GREB1: variants seen among roughly 807,000 people sequenced by gnomAD.
GREB1 encodes protein GREB1.
GREB1 carries 106 observed loss-of-function variants against 200.7 expected under a neutral mutation model. The observed-to-expected ratio is 0.53, with a 90% CI of 0.45 to 0.62. GREB1 has a LOEUF of 0.62. Among genes scored for constraint, GREB1 ranks in the 20% least tolerant of loss-of-function variants. The probability of loss-of-function intolerance (pLI) is 0.00; values close to 1 mark genes in which losing one functional copy is unlikely to be tolerated. For synonymous variants in GREB1, 1,132 were observed against 1,092.4 expected, an observed-to-expected ratio of 1.04 and a Z score of -0.72; for missense variants, 2,243 against 2,556.8, an observed-to-expected ratio of 0.88 and a Z score of 2.65.
chr2:11,592,175 ACTTTTTTTTTT>A, intron 10 of GREB1: 3 of 817,496 alleles, frequency 3.7e-6, no homozygotes, highest in African/African-American at 2.0e-5. Context: ...TTGGCTTCCT[ACTTTTTTTTTT>A]CTTTTTTTTT....
At chr2:11,521,580 C>G (rs749065924) in intron 1 of GREB1, among the ~76,000 whole-genome samples, 1 of 152,154 alleles carries the variant, frequency 6.6e-6, no homozygotes, top group Non-Finnish European at 1.5e-5. Flanking sequence ...GCTATAAACT[C>G]GGCTGTTTCA....
intron 18 of GREB1, 89 bp downstream of exon 18, chr2:11,611,116 C>T: frequency 1.5e-5 from 17 of 1,168,252 alleles, no homozygotes; most frequent in Non-Finnish European, 1.9e-5. Context: ...GTCACGAACC[C>T]CACAGCGTGG....
chr2:11,607,619 TGC>T (rs71936011), intron 17 of GREB1, among the ~76,000 whole-genome samples: 97 of 28,760 alleles, frequency 3.4e-3, no homozygotes, highest in African/African-American at 6.9e-3. Context: ...TACACATATA[TGC>T]ATATATATAC....
rs199510983 is a variant in GREB1 at position 11,632,860 on chromosome 2, C to G, written c.4817-29C>G. ...GCTGTGGGTGTGGGTGCAGGTCAGT[C>G]CTGAGTCCAGGTGCTTTGCCCACTG... On this transcript the variant is annotated intron_variant, in intron 27 of 32. Transcript: ENST00000381486. The G allele has an allele frequency of 4.0e-3, 6,456 of 1,605,480 alleles. 27 individuals carry two copies. Among genetic ancestry groups the G allele is most frequent in the Non-Finnish European group, 4.9e-3 (5,775 of 1,175,052 alleles).
chr2:11,552,879 GCAC>G (rs1558533576), intron 1 of GREB1, among the ~76,000 whole-genome samples: 2 of 151,496 alleles, frequency 1.3e-5, no homozygotes, highest in Non-Finnish European at 2.9e-5. Context: ...GCATGGTGGC[GCAC>G]GCCTGTAGTC....
Position 11,591,819 on chromosome 2 carries a change from C to T in GREB1, c.1346-957C>T, listed in dbSNP as rs980538158. On this transcript the variant is annotated intron_variant, in intron 10 of 32. Coordinates refer to ENST00000381486, the MANE Select transcript of GREB1 (RefSeq NM_014668.4). ...CTTGCTAAGTAAACGGTGGTGCTCACGTATGATGGGACATTATGGACACAC... is the reference window on the plus strand; with the variant it reads ...CTTGCTAAGTAAACGGTGGTGCTCATGTATGATGGGACATTATGGACACAC... 5 of 212,474 alleles carry T rather than the reference C, an allele frequency of 2.4e-5. No individual in the cohort carries two copies. In the East Asian group the frequency reaches 5.8e-4, roughly 25 times the overall value. The allele number at this position is 212,474 out of a possible 1,614,324, so 13.2% of individuals were successfully genotyped here.
chr2:11,640,540 C>T lies in GREB1; in HGVS notation c.*86C>T, dbSNP rs1685745263. ...TAAAGGGAGGCCTGGAACGGTGGGG[C>T]GTTTGACTGGAATGGACCCCAGGGA... On this transcript the variant is annotated 3_prime_UTR_variant, in exon 33 of 33. Coordinates refer to ENST00000381486, the MANE Select transcript of GREB1 (RefSeq NM_014668.4). The surrounding 1 kb of genome is among the most constrained non-coding windows in gnomAD (Gnocchi z 4.6). 1.7e-5 allele frequency: 25 copies of T among 1,474,888 alleles called. No individual in the cohort carries two copies. In the Admixed American group the frequency reaches 1.8e-4, roughly 10 times the overall value. The allele number at this position is 1,474,888 out of a possible 1,614,324, so 91.4% of individuals were successfully genotyped here.
At chr2:11,497,851 G>C (rs116499707) in intron 1 of GREB1, among the ~76,000 whole-genome samples, 2,444 of 150,868 alleles carry the variant, frequency 0.016, 66 homozygotes, top group African/African-American at 0.057. Flanking sequence ...AGTGTTGAAA[G>C]TTTTAAAATA....
chr2:11,634,929 T>C (rs932492819), intron 29 of GREB1, among the ~76,000 whole-genome samples: 1 of 152,248 alleles, frequency 6.6e-6, no homozygotes, highest in African/African-American at 2.4e-5. Flanking sequence ...GGAGGTTTTT[T>C]GTTGCTTTCT....
At chr2:11,503,502 C>T (rs576512948) in intron 1 of GREB1, among the ~76,000 whole-genome samples, 4 of 152,206 alleles carry the variant, frequency 2.6e-5, no homozygotes, top group East Asian at 1.9e-4. Context: ...TGTATCTCTT[C>T]GTGTCTCAGT....
At chr2:11,547,015 G>A (rs955926958) in intron 1 of GREB1, among the ~76,000 whole-genome samples, 10 of 147,492 alleles carry the variant, frequency 6.8e-5, no homozygotes, top group African/African-American at 2.5e-4. Flanking sequence ...GCGCAATCTC[G>A]GCTCACGCAA....
rs547041307 is a variant in GREB1 at position 11,574,102 on chromosome 2, A to T, written c.455-2251A>T. ...TGGAGGTGAAGGAATAAACAAAGAC[A>T]TGAGGTTATTCCTTCAGAGTGCTTA... On this transcript the variant is annotated intron_variant, in intron 4 of 32. Transcript: ENST00000381486. 2.6e-5 allele frequency among the ~76,000 whole-genome samples: 4 copies of T among 152,362 alleles called. No homozygotes were observed. The East Asian group carries it at 7.7e-4, about 29-fold the overall frequency.
At position 11,509,936 on chromosome 2, in the gene GREB1, C is replaced by A. The variant is rs542496631; in HGVS notation, c.-159+27555C>A. ...CCAATGGGCTAAGACAATTCAATTTCCCCTTATTTCATTAGCATGTTTTTG... is the reference window on the plus strand; with the variant it reads ...CCAATGGGCTAAGACAATTCAATTTACCCTTATTTCATTAGCATGTTTTTG... On this transcript the variant is annotated intron_variant, in intron 1 of 2. Transcript: ENST00000628795. 6.9e-4 allele frequency among the ~76,000 whole-genome samples: 105 copies of A among 152,298 alleles called. 1 individual carries two copies. The highest frequency in any genetic ancestry group is 2.4e-3 in the African/African-American group (100 of 41,554).
At chr2:11,628,848 C>T (rs565024552) in intron 25 of GREB1, among the ~76,000 whole-genome samples, 65 of 152,112 alleles carry the variant, frequency 4.3e-4, no homozygotes, top group African/African-American at 1.5e-3. Context: ...CTCAGGGGTG[C>T]GCAGGTCTGG....
intron 1 of GREB1, among the ~76,000 whole-genome samples, chr2:11,518,869 C>T (rs1241976778): frequency 4.6e-5 from 7 of 151,956 alleles, no homozygotes; most frequent in Non-Finnish European, 1.5e-5. Context: ...GAGGCCGAGG[C>T]GGGTGGATCA....
Position 11,641,036 on chromosome 2 carries a change from C to T in GREB1, c.*582C>T, listed in dbSNP as rs1685773829. ...TAATAAAGTTAAACAAATTGATTTACTTCAGAGCAAATATGATCCTATTAA... is the reference window on the plus strand; with the variant it reads ...TAATAAAGTTAAACAAATTGATTTATTTCAGAGCAAATATGATCCTATTAA... On this transcript the variant is annotated 3_prime_UTR_variant, in exon 33 of 33. Coordinates refer to ENST00000381486, the MANE Select transcript of GREB1 (RefSeq NM_014668.4). 1 of 152,284 alleles carries T rather than the reference C, an allele frequency of 6.6e-6. No homozygotes were observed. Among genetic ancestry groups the T allele is most frequent in the Admixed American group, 6.6e-5 (1 of 15,262 alleles). 9.4% of individuals were successfully genotyped at this position (152,284 alleles called of 1,614,324 possible).
At chr2:11,539,399 T>G (rs1674557608) in intron 1 of GREB1, among the ~76,000 whole-genome samples, 1 of 152,074 alleles carries the variant, frequency 6.6e-6, no homozygotes, top group Non-Finnish European at 1.5e-5. Context: ...CAGGGGGTTT[T>G]TGTTGTTGGG....
rs374887447 is a variant in GREB1 at position 11,581,643 on chromosome 2, G to A, written c.901+811G>A. ...CCCAGTCCAGTGCTCTCCCCACCAT[G>A]CTCATCTGGAGCCACATCATAAGCC... On this transcript the variant is annotated intron_variant, in intron 7 of 32. Transcript: ENST00000381486. Among the ~76,000 whole-genome samples, 6 of 152,294 alleles carry A rather than the reference G, an allele frequency of 3.9e-5. No individual in the cohort carries two copies. The East Asian group carries it at 1.2e-3, about 29-fold the overall frequency.
chr2:11,518,708 A>T, intron 1 of GREB1, among the ~76,000 whole-genome samples: 1 of 151,422 alleles, frequency 6.6e-6, no homozygotes, highest in South Asian at 2.1e-4. Flanking sequence ...CAAGTTCTTC[A>T]GGTCTGTAGA....
Sources: allele counts gnomAD v4.1 joint callset (sites outside exome capture counted in the v4.1 genomes callset), GRCh38; gene constraint gnomAD v4.1.1; non-coding constraint Gnocchi (gnomAD v3.1); transcripts MANE v1.5; gene names NCBI Gene and HGNC (gene_info 2026-07-23, HGNC 2026-07-21).